Variants in MTERF3 observed in about 807,000 individuals in gnomAD.
The protein encoded by MTERF3 is mitochondrial transcription termination factor 3, also known as transcription termination factor 3, mitochondrial.
MTERF3 carries 40 observed loss-of-function variants against 40.5 expected under a neutral mutation model. The observed-to-expected ratio is 0.99, with a 90% confidence interval of 0.77 to 1.29. The LOEUF is 1.29. Among genes scored for constraint, MTERF3 ranks in the 50% most tolerant of loss-of-function variants. The pLI, the probability that MTERF3 is intolerant of heterozygous loss-of-function variation, is 0.00. For synonymous variants in MTERF3, 158 were observed against 166.6 expected (o/e 0.95, Z 0.40); for missense variants, 452 against 478.2 (o/e 0.95, Z 0.51).
chr8:96,259,024 C>T (rs1384754744), intron 1 of MTERF3, among the ~76,000 whole-genome samples: 1 of 152,180 alleles, frequency 6.6e-6, no homozygotes, highest in African/African-American at 2.4e-5. Context: ...CAAGTGACAG[C>T]AGACCTCACT....
At chr8:96,258,751 A>C in intron 1 of MTERF3, 51 bp from the exon 2 acceptor site, 1 of 1,371,080 alleles carries the variant, frequency 7.3e-7, no homozygotes, top group Non-Finnish European at 9.9e-7. Context: ...AATTTACTTA[A>C]ATGTTTAAAA....
Position 96,251,024 on chromosome 8 carries a change from C to A in MTERF3, c.559G>T (p.Asp187Tyr). Residue 187 changes from aspartate to tyrosine, a missense_variant, in exon 4 of 8, where the codon GAC becomes TAC. By Grantham distance (160) the Asp-to-Tyr change is radical. Transcript: ENST00000287025. Reference protein sequence around the residue: ...NLLLRLDFEKDIKQMLLFLKD... With the variant: ...NLLLRLDFEKYIKQMLLFLKD... ...AGAAACAGAAGCATTTGCTTAATGT[C>A]TTTTTCAAAATCCAGTCTCAGAAGG... is the stretch of plus-strand genomic sequence containing the variant. 1 of 1,604,732 alleles carries A rather than the reference C, an allele frequency of 6.2e-7. No homozygotes were observed. The highest frequency in any genetic ancestry group is 8.5e-7 in the Non-Finnish European group (1 of 1,177,658).
Position 96,258,449 on chromosome 8 carries a change from T to G in MTERF3, c.242A>C (p.Asn81Thr), listed in dbSNP as rs770436697. Residue 81 changes from asparagine (N) to threonine (T), a missense_variant, in exon 2 of 8, where the codon AAT (asparagine) becomes ACT (threonine). Asn to Thr is a moderately conservative substitution (Grantham distance 65). Coordinates refer to ENST00000287025, the MANE Select transcript of MTERF3 (RefSeq NM_015942.5). ...AGGAAGCAGACTGCTTTGGGCAGAA[T>G]TATTCTCCTGACTACTTGAGCTAGT... ...QSTSSSSQENNSAQSSLLPSM... is the reference protein window; with the variant it reads ...QSTSSSSQENTSAQSSLLPSM... 44 of 1,614,062 alleles carry G rather than the reference T, an allele frequency of 2.7e-5. No homozygotes were observed. In the East Asian group the frequency reaches 9.8e-4, roughly 36 times the overall value.
At chr8:96,256,425 C>G (rs1285773973) in intron 3 of MTERF3, among the ~76,000 whole-genome samples, 1 of 151,902 alleles carries the variant, frequency 6.6e-6, no homozygotes, top group Admixed American at 6.6e-5. Context: ...AAAGTTTAAC[C>G]CCAGAAACAA....
At position 96,239,567 on chromosome 8, in the gene MTERF3, A is replaced by G. The variant is rs576105933; in HGVS notation, c.1178T>C (p.Ile393Thr). Residue 393 changes from isoleucine to threonine, a missense_variant, in exon 8 of 8, where the codon ATT becomes ACT. Physicochemically the swap from Ile to Thr is moderately conservative, Grantham distance 89 (BLOSUM62 -1). Transcript: ENST00000287025. ...NYISLDKLVS[I>T]PDEIFCEEIA... ...CTCTTCACAAAATATTTCATCAGGA[A>G]TAGATACTAGTTTGTCCAAAGAGAT... is the stretch of plus-strand genomic sequence containing the variant. 38 of 1,613,178 alleles carry G rather than the reference A, an allele frequency of 2.4e-5. No homozygotes were observed. In the South Asian group the frequency reaches 3.4e-4, roughly 14 times the overall value.
chr8:96,243,961 A>G lies in MTERF3; in HGVS notation c.1017T>C (p.Asn339=). Reference sequence around the variant, plus strand: ...TGATGTGGTGGGGAATGCTCATCACATTGTGCACAAAATCAAACGTCTCGG... The same window carrying G: ...TGATGTGGTGGGGAATGCTCATCACGTTGTGCACAAAATCAAACGTCTCGG... ...KLTETFDFVH[N]VMSIPHHIIV... Residue 339 remains asparagine (N), a synonymous_variant, in exon 7 of 8, where the codon AAT becomes AAC. Coordinates refer to ENST00000287025, the MANE Select transcript of MTERF3 (RefSeq NM_015942.5). 1.2e-6 allele frequency: 2 copies of G among 1,613,974 alleles called. No homozygotes were observed. Among genetic ancestry groups the G allele is most frequent in the Non-Finnish European group, 1.7e-6 (2 of 1,179,966 alleles).
chr8:96,250,685 AGGAGGAGGAGG>A (rs1810158947), intron 4 of MTERF3, among the ~76,000 whole-genome samples: 1 of 30,022 alleles, frequency 3.3e-5, no homozygotes, highest in African/African-American at 1.6e-4. Context: ...AAGAAGAAGG[AGGAGGAGGAGG>A]GGGGGAGGGG....
At chr8:96,250,861 A>G in intron 4 of MTERF3, 45 bp downstream of exon 4, 1 of 1,536,084 alleles carries the variant, frequency 6.5e-7, no homozygotes, top group Non-Finnish European at 8.8e-7. Flanking sequence ...TATTTCCTTC[A>G]TAACCACTTC....
intron 7 of MTERF3, among the ~76,000 whole-genome samples, chr8:96,241,391 A>G (rs1167095898): frequency 1.3e-5 from 2 of 151,886 alleles, no homozygotes; most frequent in African/African-American, 2.4e-5. Flanking sequence ...GCCTGGCGAC[A>G]GAGCCAGACT....
In MTERF3 at chr8:96,258,361, T is replaced by C; in HGVS notation, c.330A>G (p.Leu110=). The change falls in exon 2 of 8, where the codon CTA becomes CTG. Residue 110 remains leucine (L), a synonymous_variant. Coordinates refer to ENST00000287025, the MANE Select transcript of MTERF3 (RefSeq NM_015942.5). The stretch of plus-strand genomic sequence containing the variant: ...TTTCTGAAAGTTCAGAATTACCTTC[T>C]AGAAACAGCTCAGAATCAAAGCTGG... ...NISSFDSELF[L]EELDELPPLS... The C allele has an allele frequency of 6.2e-7, 1 of 1,606,336 alleles. No individual in the cohort carries two copies. The highest frequency in any genetic ancestry group is 8.5e-7 in the Non-Finnish European group (1 of 1,174,246).
Position 96,258,716 on chromosome 8 carries a change from A to G in MTERF3, c.-10-16T>C, listed in dbSNP as rs1810328261. 1 of 1,511,626 alleles carries G rather than the reference A, an allele frequency of 6.6e-7. No individual in the cohort carries two copies. The highest frequency in any genetic ancestry group is 2.1e-5 in the Admixed American group (1 of 47,762). 93.6% of individuals were successfully genotyped at this position (1,511,626 alleles called of 1,614,324 possible). The stretch of plus-strand genomic sequence containing the variant: ...TTTTCTTAGTCTACAAAGGAAAGAT[A>G]TAACCGTCAAAAGAAGAGAAATTTA... On this transcript the variant is annotated splice_polypyrimidine_tract_variant and intron_variant, in intron 1 of 7. Coordinates refer to ENST00000287025, the MANE Select transcript of MTERF3 (RefSeq NM_015942.5).
intron 2 of MTERF3, among the ~76,000 whole-genome samples, chr8:96,257,563 A>C (rs1036285521): frequency 6.6e-6 from 1 of 152,200 alleles, no homozygotes; most frequent in Admixed American, 6.5e-5. Context: ...CCTCAAATAC[A>C]TCTTTAAAAG....
intron 6 of MTERF3, among the ~76,000 whole-genome samples, chr8:96,245,203 C>G (rs1586164236): frequency 6.6e-6 from 1 of 152,074 alleles, no homozygotes; most frequent in East Asian, 1.9e-4. Flanking sequence ...TGGGCAGGAG[C>G]TCAATAAAAA....
At chr8:96,253,244 C>A (rs1432375402) in intron 3 of MTERF3, among the ~76,000 whole-genome samples, 1 of 152,152 alleles carries the variant, frequency 6.6e-6, no homozygotes, top group Non-Finnish European at 1.5e-5. Flanking sequence ...AAACAAGAGC[C>A]TTCCCAACAA....
chr8:96,245,990 A>C, intron 5 of MTERF3, 59 bp from the exon 6 acceptor site: 1 of 1,454,184 alleles, frequency 6.9e-7, no homozygotes, highest in Non-Finnish European at 9.5e-7. Flanking sequence ...ACTAGTTTGG[A>C]AAATTAAGGC....
In MTERF3 at chr8:96,256,981, CAG is replaced by C. The variant is rs763644635; in HGVS notation, c.466_467del (p.Leu156AlafsTer29). 15 of 1,608,056 alleles carry C rather than the reference CAG, an allele frequency of 9.3e-6. No individual in the cohort carries two copies. Among genetic ancestry groups the C allele is most frequent in the South Asian group, 4.5e-5 (4 of 89,360 alleles). Reference sequence around the variant, plus strand: ...ACTTACCTAGAAGAACCAACTTCTGCAGAGTCTCAGAATGATCCACATAGTCT... The same window carrying C: ...ACTTACCTAGAAGAACCAACTTCTGCAGTCTCAGAATGATCCACATAGTCT... ...LRDYVDHSETLQKLVLLGVDL... is the reference protein window; with the variant it reads ...LRDYVDHSETXQKLVLLGVDL... On this transcript the variant is annotated frameshift_variant, in exon 3 of 8. Coordinates refer to ENST00000287025, the MANE Select transcript of MTERF3 (RefSeq NM_015942.5). LOFTEE classifies it high-confidence loss of function.
chr8:96,246,571 A>T (rs1312926274), intron 4 of MTERF3, 117 bp from the exon 5 acceptor site: 4 of 839,920 alleles, frequency 4.8e-6, no homozygotes, highest in Middle Eastern at 7.5e-4. Flanking sequence ...CCCACACCCT[A>T]AATTACTAAC....
chr8:96,250,652 A>AGAG (rs1563548822), intron 4 of MTERF3, among the ~76,000 whole-genome samples: 2 of 31,314 alleles, frequency 6.4e-5, no homozygotes, highest in Non-Finnish European at 1.5e-4. Flanking sequence ...AAGAAGAAGA[A>AGAG]GAAGAAGAAG....
chr8:96,246,078 T>A, intron 5 of MTERF3, 147 bp from the exon 6 acceptor site: 1 of 839,786 alleles, frequency 1.2e-6, no homozygotes, highest in Non-Finnish European at 1.8e-6. Context: ...TAGATAAGAT[T>A]AATACTGTTT....
Sources: gnomAD v4.1 joint callset for allele counts (sites outside exome capture counted in the v4.1 genomes callset) on GRCh38, gnomAD v4.1.1 for gene constraint, MANE v1.5 for transcripts, NCBI Gene and HGNC (gene_info 2026-07-23, HGNC 2026-07-21) for gene names.